The following HOOK1 variants were observed in gnomAD, a reference collection of about 807,000 sequenced individuals.
HOOK1 encodes the protein protein Hook homolog 1.
A neutral mutation model predicts 112.8 loss-of-function variants in HOOK1; 60 were observed. The ratio of observed to expected loss-of-function variants is 0.53; its 90% CI spans 0.43 to 0.66. The LOEUF is 0.66. HOOK1 is among the 30% of genes least tolerant of loss of function. The probability of loss-of-function intolerance (pLI) is 0.00; values close to 1 mark genes in which losing one functional copy is unlikely to be tolerated. For synonymous variants in HOOK1, 294 were observed against 283.8 expected (o/e 1.04, Z -0.36); for missense variants, 770 against 856.0 (o/e 0.90, Z 1.25).
At chr1:59,823,061 C>T (rs1288682342) in intron 2 of HOOK1, among the ~76,000 whole-genome samples, 2 of 152,206 alleles carry the variant, frequency 1.3e-5, no homozygotes, top group Non-Finnish European at 2.9e-5. Flanking sequence ...TGGCTCAAGC[C>T]TGTAATCCCA....
rs377590186 is a variant in HOOK1 at position 59,849,118 on chromosome 1, G to T, written c.1177G>T (p.Asp393Tyr). Reference protein sequence around the residue: ...VKLSSESKRADTLAFEMKRLE... With the variant: ...VKLSSESKRAYTLAFEMKRLE... ...ACTTTCCTCCGAATCCAAGAGGGCA[G>T]ACACACTAGCGTTTGAAATGAAGCG... Residue 393 changes from aspartate (D) to tyrosine (Y), a missense_variant, in exon 12 of 22, where the codon GAC (aspartate) becomes TAC (tyrosine). Transcript: ENST00000371208. The T allele has an allele frequency of 6.1e-5, 98 of 1,609,384 alleles. No individual in the cohort carries two copies. The highest frequency in any genetic ancestry group is 8.1e-5 in the Non-Finnish European group (95 of 1,176,970).
In HOOK1 at chr1:59,866,007, TG is replaced by T. The variant is rs1303623288; in HGVS notation, c.1845+37del. 2.5e-6 allele frequency: 3 copies of T among 1,191,692 alleles called. No individual in the cohort carries two copies. In the South Asian group the frequency reaches 3.8e-5, roughly 15 times the overall value. 73.8% of individuals were successfully genotyped at this position (1,191,692 alleles called of 1,614,324 possible). On this transcript the variant is annotated intron_variant, in intron 19 of 21. Transcript: ENST00000371208. ...TTATCTTTCGGAGCTCAAGACTTTGTGGCCTGTGTTTTAGCAAGGCTCATTT... is the reference window on the plus strand; with the variant it reads ...TTATCTTTCGGAGCTCAAGACTTTGTGCCTGTGTTTTAGCAAGGCTCATTT...
intron 15 of HOOK1, 105 bp downstream of exon 15, chr1:59,860,433 A>G: frequency 1.0e-6 from 1 of 991,016 alleles, no homozygotes. Context: ...AGTAATTAGA[A>G]TTACCTAGAA....
At chr1:59,843,298 CTCA>C in intron 8 of HOOK1, 131 bp from the exon 9 acceptor site, 1 of 493,966 alleles carries the variant, frequency 2.0e-6, no homozygotes, top group South Asian at 4.4e-5. Flanking sequence ...ATCCTTAGAA[CTCA>C]TCTAGTATGA....
intron 14 of HOOK1, among the ~76,000 whole-genome samples, chr1:59,859,658 T>C (rs2098412519): frequency 6.6e-6 from 1 of 151,966 alleles, no homozygotes; most frequent in Admixed American, 6.6e-5. Context: ...ATAATATTAA[T>C]AAAAAGTTGC....
chr1:59,823,599 A>G (rs1355581679), intron 2 of HOOK1, among the ~76,000 whole-genome samples: 1 of 152,104 alleles, frequency 6.6e-6, no homozygotes, highest in Non-Finnish European at 1.5e-5. Context: ...TGTCCTTTCT[A>G]TATGTTTTGG....
intron 14 of HOOK1, 81 bp from the exon 15 acceptor site, chr1:59,860,107 C>T: frequency 9.3e-7 from 1 of 1,075,428 alleles, no homozygotes; most frequent in East Asian, 2.8e-5. Context: ...ATTGAGTGGA[C>T]AGGAATTTCC....
intron 7 of HOOK1, among the ~76,000 whole-genome samples, chr1:59,840,079 G>T (rs1159853374): frequency 2.0e-5 from 3 of 152,132 alleles, no homozygotes. Flanking sequence ...AGTGCTGCTG[G>T]ATTCGGTTTG....
In HOOK1 at chr1:59,858,402, T is replaced by G. The variant is rs75312395; in HGVS notation, c.1243-26T>G. ...TTGTTTATAGGCAGAATTAAATACT[T>G]TGCTGATATCAACAATTCTTTTCAG... On this transcript the variant is annotated intron_variant, in intron 12 of 21. Transcript: ENST00000371208. The G allele has an allele frequency of 3.2e-3, 4,456 of 1,379,996 alleles. 125 individuals carry two copies. The African/African-American group carries it at 0.057, about 18-fold the overall frequency. 85.5% of individuals were successfully genotyped at this position (1,379,996 alleles called of 1,614,324 possible). A position where few individuals can be genotyped will look rare whatever the true frequency, so the allele number is the denominator to read the frequency against.
chr1:59,855,005 A>G (rs2098409747), intron 12 of HOOK1, among the ~76,000 whole-genome samples: 1 of 152,228 alleles, frequency 6.6e-6, no homozygotes, highest in African/African-American at 2.4e-5. Flanking sequence ...GACGACAACA[A>G]GCAGTCAACA....
At chr1:59,846,592 T>TCCCTCCCTCCCTCCTCCCTC (rs374267510) in intron 9 of HOOK1, among the ~76,000 whole-genome samples, 1 of 43,348 alleles carries the variant, frequency 2.3e-5, no homozygotes, top group African/African-American at 1.2e-4. Flanking sequence ...CCTTCCTCCC[T>TCCCTCCCTCCCTCCTCCCTC]CCTCCCTCCC....
chr1:59,854,111 A>T (rs745934990), intron 12 of HOOK1, among the ~76,000 whole-genome samples: 2 of 121,838 alleles, frequency 1.6e-5, no homozygotes, highest in Non-Finnish European at 3.2e-5. Flanking sequence ...GAGTGCAGTG[A>T]CACGATTTTG....
chr1:59,864,892 A>C, intron 17 of HOOK1: 1 of 548,386 alleles, frequency 1.8e-6, no homozygotes, highest in Admixed American at 3.6e-5. Flanking sequence ...AGTTTAAAAA[A>C]ACAGATTAAC....
intron 8 of HOOK1, among the ~76,000 whole-genome samples, chr1:59,842,158 T>C (rs1404845275): frequency 6.6e-6 from 1 of 151,686 alleles, no homozygotes; most frequent in Non-Finnish European, 1.5e-5. Flanking sequence ...GGGTGTTGTT[T>C]TTCCTCTGTC....
At chr1:59,840,008 G>A (rs999410132) in intron 7 of HOOK1, among the ~76,000 whole-genome samples, 2 of 152,156 alleles carry the variant, frequency 1.3e-5, no homozygotes, top group African/African-American at 4.8e-5. Context: ...ATTTGTGTAT[G>A]TTGAACCAGC....
intron 16 of HOOK1, among the ~76,000 whole-genome samples, chr1:59,864,286 A>T (rs1241627568): frequency 6.6e-6 from 1 of 151,978 alleles, no homozygotes; most frequent in African/African-American, 2.4e-5. Context: ...AATGATTTTT[A>T]AAATATTTTA....
intron 2 of HOOK1, among the ~76,000 whole-genome samples, chr1:59,826,378 G>A (rs2102011301): frequency 6.6e-6 from 1 of 152,190 alleles, no homozygotes; most frequent in South Asian, 2.1e-4. Context: ...GATTTCTGAG[G>A]TTGGAGATCA....
rs1028378894 is a variant in HOOK1, at chr1:59,876,004, A to G, written c.*3039A>G. ...TTGGGGATGGCCTTTAGGCCACAGT[A>G]GTGTCTGTGTTAAGTTCACTAAATG... On this transcript the variant is annotated 3_prime_UTR_variant, in exon 22 of 22. Transcript: ENST00000371208. The G allele has an allele frequency of 1.3e-5, 2 of 152,632 alleles. No individual in the cohort carries two copies. Among genetic ancestry groups the G allele is most frequent in the South Asian group, 4.1e-4 (2 of 4,820 alleles). The allele number at this position is 152,632 out of a possible 1,614,324, so 9.5% of individuals were successfully genotyped here.
chr1:59,844,841 A>G (rs991715148), intron 9 of HOOK1, among the ~76,000 whole-genome samples: 2 of 151,984 alleles, frequency 1.3e-5, no homozygotes, highest in Non-Finnish European at 2.9e-5. Context: ...ATTCAGAATT[A>G]TTGTGAAAAT....
Sources: gnomAD v4.1 joint callset for allele counts (sites outside exome capture counted in the v4.1 genomes callset) on GRCh38, gnomAD v4.1.1 for gene constraint, MANE v1.5 for transcripts, NCBI Gene and HGNC (gene_info 2026-07-23, HGNC 2026-07-21) for gene names.